The following GLIS3 variants were observed in gnomAD, a reference collection of about 807,000 sequenced individuals.
GLIS3 encodes the protein GLIS family zinc finger 3, also known as zinc finger protein GLIS3.
In GLIS3, 53 loss-of-function variants were observed where a neutral mutation model predicts 78.6. That is an observed-to-expected ratio of 0.67 (90% CI 0.54 to 0.85). The LOEUF is 0.85. Ranked by LOEUF, GLIS3 falls within the 40% of genes least tolerant of loss-of-function variation. The pLI is 0.00. For synonymous variants in GLIS3, 684 were observed against 509.9 expected (o/e 1.34, Z -4.60); for missense variants, 1,703 against 1,231.1 (o/e 1.38, Z -5.74).
intron 2 of GLIS3, among the ~76,000 whole-genome samples, chr9:4,177,092 A>T (rs1489962906): frequency 2.0e-5 from 3 of 152,196 alleles, no homozygotes; most frequent in African/African-American, 7.2e-5. Flanking sequence ...AAGGTGTGCT[A>T]CTTACCCACT....
At chr9:4,367,909 T>C in the GLIS3 span, among the ~76,000 whole-genome samples, 2 of 152,214 alleles carry the variant, frequency 1.3e-5, no homozygotes, top group East Asian at 1.9e-4. Flanking sequence ...TTCAATTTTA[T>C]AGTGAGGAAA....
intron 7 of GLIS3, among the ~76,000 whole-genome samples, chr9:3,889,238 T>C (rs1228625600): frequency 2.0e-5 from 3 of 152,180 alleles, no homozygotes; most frequent in African/African-American, 4.8e-5. Flanking sequence ...CGTTAGTCAG[T>C]GCTCCCACAA....
In GLIS3 at chr9:4,279,322, TATACACACAC is replaced by T. The variant is rs1251950097; in HGVS notation, c.388+6706_388+6715del. Among the ~76,000 whole-genome samples, 144 of 51,972 alleles carry T rather than the reference TATACACACAC, an allele frequency of 2.8e-3. 3 individuals carry two copies. Among genetic ancestry groups the T allele is most frequent in the African/African-American group, 9.8e-3 (123 of 12,492 alleles). The allele number at this position is 51,972 out of a possible 152,430, so 34.1% of individuals were successfully genotyped here. ...CAAAAAAAAAAAAAAAAAATATATATATACACACACACACACACACACACACACACACACA... is the reference window on the plus strand; with the variant it reads ...CAAAAAAAAAAAAAAAAAATATATATACACACACACACACACACACACACA... On this transcript the variant is annotated intron_variant, in intron 2 of 10. Coordinates refer to ENST00000381971, the MANE Select transcript of GLIS3 (RefSeq NM_001042413.2).
At chr9:4,371,702 C>T in the GLIS3 span, among the ~76,000 whole-genome samples, 7 of 152,252 alleles carry the variant, frequency 4.6e-5, no homozygotes, top group Admixed American at 4.6e-4. Context: ...TCCATTGTGG[C>T]AAAAGTCATC....
intron 2 of GLIS3, 169 bp downstream of exon 2, chr9:4,285,869 A>G (rs1176952088): frequency 1.3e-6 from 1 of 774,892 alleles, no homozygotes. Flanking sequence ...CCCCTCCAAC[A>G]CATACACACC....
At chr9:4,087,077 C>G (rs983026422) in intron 4 of GLIS3, among the ~76,000 whole-genome samples, 4 of 152,016 alleles carry the variant, frequency 2.6e-5, no homozygotes, top group African/African-American at 9.7e-5. Flanking sequence ...ATGGCAAAGT[C>G]TGAAATGAAA....
At chr9:4,218,163 T>C (rs1385587659) in intron 2 of GLIS3, among the ~76,000 whole-genome samples, 1 of 152,248 alleles carries the variant, frequency 6.6e-6, no homozygotes, top group Non-Finnish European at 1.5e-5. Context: ...GTCTCCTCCT[T>C]TCTGCTACCA....
intron 1 of GLIS3, among the ~76,000 whole-genome samples, chr9:4,287,110 A>T (rs1828066961): frequency 1.3e-5 from 2 of 152,232 alleles, no homozygotes; most frequent in African/African-American, 4.8e-5. Context: ...ATATTCAAAT[A>T]TTCATGGCAG....
intron 2 of GLIS3, among the ~76,000 whole-genome samples, chr9:4,156,277 T>A (rs886482355): frequency 6.6e-6 from 1 of 152,172 alleles, no homozygotes; most frequent in Non-Finnish European, 1.5e-5. Flanking sequence ...AATTCTTTAA[T>A]GCAGTCTCTG....
chr9:4,253,646 ACT>A (rs1218120968), intron 2 of GLIS3, among the ~76,000 whole-genome samples: 1 of 152,140 alleles, frequency 6.6e-6, no homozygotes, highest in African/African-American at 2.4e-5. Context: ...TCCATGTGCC[ACT>A]GAGGTATGAA....
chr9:4,008,048 A>G (rs1434990624), intron 4 of GLIS3, among the ~76,000 whole-genome samples: 1 of 152,116 alleles, frequency 6.6e-6, no homozygotes, highest in Non-Finnish European at 1.5e-5. Context: ...GGCCTGAAGA[A>G]AGGCCTTAAT....
intron 2 of GLIS3, among the ~76,000 whole-genome samples, chr9:4,311,864 T>A (rs10974450): frequency 6.6e-6 from 1 of 152,154 alleles, no homozygotes; most frequent in East Asian, 1.9e-4. Context: ...CCCATTTTAC[T>A]TAAATGATCA....
chr9:4,089,813 GACAAAA>G (rs1829340905), intron 4 of GLIS3, among the ~76,000 whole-genome samples: 1 of 152,036 alleles, frequency 6.6e-6, no homozygotes, highest in Non-Finnish European at 1.5e-5. Context: ...ACAAGACCCT[GACAAAA>G]ACAACAACAA....
At chr9:4,251,219 C>T (rs1824342308) in intron 2 of GLIS3, among the ~76,000 whole-genome samples, 1 of 152,138 alleles carries the variant, frequency 6.6e-6, no homozygotes, top group African/African-American at 2.4e-5. Context: ...TATAGTCTCC[C>T]ACTACTATTA....
At chr9:4,435,595 C>G in the GLIS3 span, among the ~76,000 whole-genome samples, 1 of 152,236 alleles carries the variant, frequency 6.6e-6, no homozygotes, top group African/African-American at 2.4e-5. Flanking sequence ...TATCACTCCA[C>G]TGAAAAGACT....
chr9:4,407,518 G>A, the GLIS3 span, among the ~76,000 whole-genome samples: 3 of 152,160 alleles, frequency 2.0e-5, no homozygotes, highest in Non-Finnish European at 2.9e-5. Flanking sequence ...GTGGTGGCGG[G>A]CGCCTGTAGT....
At chr9:4,165,994 A>G (rs767490230) in intron 2 of GLIS3, among the ~76,000 whole-genome samples, 6 of 152,158 alleles carry the variant, frequency 3.9e-5, no homozygotes, top group African/African-American at 7.2e-5. Flanking sequence ...ACAGAGCACA[A>G]TATTTAACAG....
chr9:4,261,979 T>G (rs1825574853), intron 2 of GLIS3, among the ~76,000 whole-genome samples: 1 of 152,242 alleles, frequency 6.6e-6, no homozygotes, highest in Non-Finnish European at 1.5e-5. Flanking sequence ...CAAAGGGCTG[T>G]GTTCTAAAAG....
chr9:3,961,498 C>A (rs1250453836), intron 4 of GLIS3, among the ~76,000 whole-genome samples: 1 of 152,188 alleles, frequency 6.6e-6, no homozygotes, highest in Non-Finnish European at 1.5e-5. Context: ...TCTAGTAAGC[C>A]AGTCAGAATA....
Sources: gnomAD v4.1 joint callset for allele counts (sites outside exome capture counted in the v4.1 genomes callset) on GRCh38, gnomAD v4.1.1 for gene constraint, MANE v1.5 for transcripts, NCBI Gene and HGNC (gene_info 2026-07-23, HGNC 2026-07-21) for gene names.